GPM6B: variants seen among roughly 807,000 people sequenced by gnomAD.
The protein encoded by GPM6B is glycoprotein M6B, also known as neuronal membrane glycoprotein M6-b.
In GPM6B, 4 loss-of-function variants were observed where a neutral mutation model predicts 27.2. The observed-to-expected ratio is 0.15, with a 90% CI of 0.07 to 0.34. The LOEUF (loss-of-function observed/expected upper bound fraction) is 0.34. Among genes scored for constraint, GPM6B ranks in the 10% least tolerant of loss-of-function variants. The pLI, the probability that GPM6B is intolerant of heterozygous loss-of-function variation, is 1.00. For missense variants in GPM6B, 183 were observed against 261.9 expected, an observed-to-expected ratio of 0.70 and a Z score of 2.08; for synonymous variants, 124 against 103.1, an observed-to-expected ratio of 1.20 and a Z score of -1.23.
intron 1 of GPM6B, among the ~76,000 whole-genome samples, chrX:13,904,301 T>C (rs1166343239): frequency 8.9e-6 from 1 of 112,252 alleles, no homozygotes; most frequent in African/African-American, 3.2e-5. Flanking sequence ...TAATGGGATA[T>C]GAAATTACCT....
At chrX:13,860,799 C>T (rs773279353) in intron 1 of GPM6B, among the ~76,000 whole-genome samples, 42 of 108,648 alleles carry the variant, frequency 3.9e-4, no homozygotes, top group African/African-American at 1.4e-3. Context: ...CCTTTCCCCC[C>T]GAGTCCCCAA....
At chrX:13,858,343 T>C (rs1162328739) in intron 1 of GPM6B, among the ~76,000 whole-genome samples, 1 of 111,879 alleles carries the variant, frequency 8.9e-6, no homozygotes, top group African/African-American at 3.2e-5. Context: ...CAATCAGTAG[T>C]GTGCTGGTAA....
intron 1 of GPM6B, among the ~76,000 whole-genome samples, chrX:13,931,019 C>T (rs1411971608): frequency 9.0e-6 from 1 of 110,670 alleles, no homozygotes; most frequent in Non-Finnish European, 1.9e-5. Flanking sequence ...TCTGTATCTA[C>T]TAAAAATACA....
chrX:13,809,262 C>A (rs1342486126), intron 1 of GPM6B, among the ~76,000 whole-genome samples: 1 of 111,836 alleles, frequency 8.9e-6, no homozygotes, highest in Non-Finnish European at 1.9e-5. Flanking sequence ...CTCAAGAGGG[C>A]ACACTTTGGA....
chrX:13,818,574 C>T (rs2049273432), upstream of GPM6B, among the ~76,000 whole-genome samples: 1 of 112,353 alleles, frequency 8.9e-6, no homozygotes, highest in African/African-American at 3.2e-5. Context: ...TTGCTTTTCC[C>T]TTTACCATTG....
chrX:13,920,528 T>C, intron 1 of GPM6B, among the ~76,000 whole-genome samples: 1 of 111,023 alleles, frequency 9.0e-6, no homozygotes, highest in Non-Finnish European at 1.9e-5. Flanking sequence ...ACACGATACG[T>C]AAACCAGCCA....
At chrX:13,897,896 C>T (rs1205385731) in intron 1 of GPM6B, among the ~76,000 whole-genome samples, 1 of 112,200 alleles carries the variant, frequency 8.9e-6, no homozygotes, top group Admixed American at 9.5e-5. Flanking sequence ...TGTAAATCTC[C>T]TCTGACAGCT....
At position 13,841,366 on chromosome X, in the gene GPM6B, TATGGGAAGTTATCTCACTTCC is replaced by T. The variant is rs759270575; in HGVS notation, c.-197-55579_-197-55559del. 1.7e-3 allele frequency among the ~76,000 whole-genome samples: 194 copies of T among 112,009 alleles called. 1 individual carries two copies. The highest frequency in any genetic ancestry group is 5.7e-3 in the African/African-American group (174 of 30,783). ...CTCTGCCATTTGCCAGCTAGGTCGC[TATGGGAAGTTATCTCACTTCC>T]ATCCCTCTGGATGTCTGTATGATGG... On this transcript the variant is annotated intron_variant, in intron 1 of 6. Coordinates refer to the GPM6B transcript ENST00000398361.
chrX:13,867,865 C>G (rs1173552341), intron 1 of GPM6B, among the ~76,000 whole-genome samples: 1 of 111,726 alleles, frequency 9.0e-6, no homozygotes, highest in Non-Finnish European at 1.9e-5. Flanking sequence ...AAAAGGCTTA[C>G]TTGATACAAT....
intron 1 of GPM6B, among the ~76,000 whole-genome samples, chrX:13,909,474 A>G (rs775231396): frequency 9.0e-6 from 1 of 111,184 alleles, no homozygotes; most frequent in Admixed American, 9.6e-5. Flanking sequence ...AACAATGAAG[A>G]TGCTCCATGC....
rs145198103 is a variant in GPM6B at position 13,776,047 on chromosome X, A to G, written c.837+191T>C. 9.1e-3 allele frequency: 3,960 copies of G among 433,148 alleles called. 23 individuals are homozygous for G. Among genetic ancestry groups the G allele is most frequent in the South Asian group, 0.031 (742 of 24,259 alleles). 35.7% of individuals were successfully genotyped at this position (433,148 alleles called of 1,213,427 possible). A position where few individuals can be genotyped will look rare whatever the true frequency, so the allele number is the denominator to read the frequency against. On this transcript the variant is annotated intron_variant, in intron 7 of 7. Transcript: ENST00000316715. ...CAGAGTCCAAATTACATCACCTACA[A>G]TCAGTGCCAAGGCAACCAACTAATA... is the stretch of plus-strand genomic sequence containing the variant.
At chrX:13,812,304 C>T (rs1242555349) in intron 1 of GPM6B, among the ~76,000 whole-genome samples, 14 of 110,238 alleles carry the variant, frequency 1.3e-4, no homozygotes, top group Non-Finnish European at 2.7e-4. Context: ...CCGCCCGCCT[C>T]GGCCTCCCAA....
At chrX:13,889,742 A>G (rs1222066769) in intron 1 of GPM6B, 4 of 87,019 alleles carry the variant, frequency 4.6e-5, no homozygotes, top group African/African-American at 1.5e-4. Flanking sequence ...CTCACCACCC[A>G]TTTCCAGAAC....
chrX:13,920,256 GACTCTGTCT>G (rs1368760594), intron 1 of GPM6B, among the ~76,000 whole-genome samples: 1 of 50,694 alleles, frequency 2.0e-5, no homozygotes, highest in African/African-American at 8.7e-5. Context: ...AACAGAGTAA[GACTCTGTCT>G]CAAAAAAAAA....
At chrX:13,774,516 C>G (rs753697307) in intron 7 of GPM6B, 2 of 1,206,353 alleles carry the variant, frequency 1.7e-6, no homozygotes, top group South Asian at 3.5e-5. Flanking sequence ...TGCTACAGAG[C>G]ATAGCTCTCT....
At chrX:13,786,597 C>A (rs895298283) in intron 2 of GPM6B, among the ~76,000 whole-genome samples, 1 of 110,263 alleles carries the variant, frequency 9.1e-6, no homozygotes, top group Admixed American at 9.7e-5. Context: ...CCCCCTTCCC[C>A]GACACACACG....
intron 1 of GPM6B, among the ~76,000 whole-genome samples, chrX:13,846,725 C>A (rs1272970605): frequency 4.7e-5 from 5 of 106,585 alleles, no homozygotes; most frequent in African/African-American, 1.7e-4. Flanking sequence ...GATCTCCTGA[C>A]CTTATGATCC....
intron 2 of GPM6B, among the ~76,000 whole-genome samples, chrX:13,789,560 G>A (rs893333572): frequency 1.8e-5 from 2 of 111,315 alleles, no homozygotes; most frequent in African/African-American, 6.5e-5. Context: ...CGGATCACGA[G>A]GTCAGGAGAT....
chrX:13,927,187 C>A (rs1476296891), intron 1 of GPM6B, among the ~76,000 whole-genome samples: 3 of 109,889 alleles, frequency 2.7e-5, no homozygotes, highest in African/African-American at 9.9e-5. Context: ...CAATGAAATA[C>A]CACTTCACAC....
Sources: gnomAD v4.1 joint callset for allele counts (sites outside exome capture counted in the v4.1 genomes callset) on GRCh38, gnomAD v4.1.1 for gene constraint, MANE v1.5 for transcripts, NCBI Gene and HGNC (gene_info 2026-07-23, HGNC 2026-07-21) for gene names.